The following CNTN4 variants were observed in gnomAD, a reference collection of about 807,000 sequenced individuals.
The protein encoded by CNTN4 is contactin-4.
CNTN4 carries 77 observed loss-of-function variants against 122.5 expected under a neutral mutation model. The observed-to-expected ratio is 0.63, with a 90% CI of 0.52 to 0.76. CNTN4 has a LOEUF of 0.76. Ranked by LOEUF, CNTN4 falls within the 30% of genes least tolerant of loss-of-function variation. The pLI is 0.00. For synonymous variants in CNTN4, 512 were observed against 447.0 expected, an observed-to-expected ratio of 1.15 and a Z score of -1.83; for missense variants, 1,256 against 1,259.1, an observed-to-expected ratio of 1.00 and a Z score of 0.04.
chr3:2,931,737 TC>T (rs1335567966), intron 13 of CNTN4, among the ~76,000 whole-genome samples: 5 of 152,122 alleles, frequency 3.3e-5, no homozygotes, highest in African/African-American at 1.2e-4. Context: ...AAAGCGATCC[TC>T]CCACCTCAGC....
chr3:2,815,891 T>TATATATATATATATATATATATATATAA (rs1559534875), intron 6 of CNTN4, among the ~76,000 whole-genome samples: 1 of 147,912 alleles, frequency 6.8e-6, no homozygotes, highest in African/African-American at 2.6e-5. Context: ...TATATATATA[T>TATATATATATATATATATATATATATAA]GATGGAATAC....
At chr3:2,867,595 G>C (rs2093738240) in intron 8 of CNTN4, among the ~76,000 whole-genome samples, 1 of 152,060 alleles carries the variant, frequency 6.6e-6, no homozygotes, top group African/African-American at 2.4e-5. Flanking sequence ...TATATATGCT[G>C]TTCCCTCTTC....
At chr3:2,450,135 G>A (rs567191767) in intron 3 of CNTN4, among the ~76,000 whole-genome samples, 2 of 152,326 alleles carry the variant, frequency 1.3e-5, no homozygotes, top group Non-Finnish European at 2.9e-5. Flanking sequence ...GGAAGGCCAA[G>A]ATGGGTGGAT....
rs186440352 is a variant in CNTN4 at position 2,274,240 on chromosome 3, A to C, written c.-144-64938A>C. Among the ~76,000 whole-genome samples the C allele has an allele frequency of 6.1e-4, 93 of 152,136 alleles. No homozygotes were observed. In the East Asian group the frequency reaches 0.013, roughly 21 times the overall value. ...TCTACTAAAAATAAAAAAATTAGCC[A>C]GGTGTGGTGGTGGGTGCGTGTAATC... is the stretch of plus-strand genomic sequence containing the variant. On this transcript the variant is annotated intron_variant, in intron 2 of 24. Coordinates refer to ENST00000418658, the MANE Select transcript of CNTN4 (RefSeq NM_175607.3).
At chr3:2,361,398 G>GCACCTATCC (rs1441740149) in intron 3 of CNTN4, among the ~76,000 whole-genome samples, 1 of 152,188 alleles carries the variant, frequency 6.6e-6, no homozygotes, top group African/African-American at 2.4e-5. Flanking sequence ...TTTGTAACCA[G>GCACCTATCC]TGGGTAGCTG....
intron 3 of CNTN4, among the ~76,000 whole-genome samples, chr3:2,389,327 C>T (rs532178161): frequency 1.4e-5 from 2 of 142,838 alleles, no homozygotes; most frequent in African/African-American, 5.3e-5. Flanking sequence ...CTTCACATGG[C>T]TGCAGCCTTC....
chr3:2,364,268 AGTT>A (rs1399989347), intron 3 of CNTN4, among the ~76,000 whole-genome samples: 3 of 152,184 alleles, frequency 2.0e-5, no homozygotes, highest in African/African-American at 7.2e-5. Flanking sequence ...TTTATCTCAG[AGTT>A]GTTGTCTCGA....
chr3:2,284,081 A>G (rs2041820641), intron 2 of CNTN4, among the ~76,000 whole-genome samples: 1 of 152,082 alleles, frequency 6.6e-6, no homozygotes, highest in African/African-American at 2.4e-5. Flanking sequence ...GAAAGGAAAA[A>G]GAGGCAAATA....
chr3:2,548,173 C>T (rs146508479), intron 3 of CNTN4, among the ~76,000 whole-genome samples: 1 of 152,032 alleles, frequency 6.6e-6, no homozygotes, highest in Non-Finnish European at 1.5e-5. Context: ...AAGCTCTTTA[C>T]TGTAATTAGA....
Position 2,263,437 on chromosome 3 carries a change from C to G in CNTN4, c.-144-75741C>G, listed in dbSNP as rs557624323. On this transcript the variant is annotated intron_variant, in intron 2 of 24. Transcript: ENST00000418658. ...CCATTGTTTATTCATTCAGTAATCACTGAGCGTATATACCGATTCATTAAA... is the reference window on the plus strand; with the variant it reads ...CCATTGTTTATTCATTCAGTAATCAGTGAGCGTATATACCGATTCATTAAA... 2.1e-4 allele frequency among the ~76,000 whole-genome samples: 32 copies of G among 152,156 alleles called. No individual in the cohort carries two copies. The South Asian group carries it at 6.4e-3, about 31-fold the overall frequency.
At chr3:2,819,905 A>T (rs778758068) in intron 7 of CNTN4, among the ~76,000 whole-genome samples, 8 of 152,178 alleles carry the variant, frequency 5.3e-5, no homozygotes, top group Non-Finnish European at 1.2e-4. Flanking sequence ...GTTAAAAAAG[A>T]TGGCCCTACT....
rs182886366 is a variant in CNTN4, at chr3:3,006,046, C to T, written c.1486+17574C>T. On this transcript the variant is annotated intron_variant, in intron 14 of 24. Transcript: ENST00000418658. ...GACTACAGGCGCCCACCCCCACGCT[C>T]GGCTAATTTTTTTTTGCATTTTTAG... Among the ~76,000 whole-genome samples the T allele has an allele frequency of 3.3e-3, 502 of 151,980 alleles. 4 individuals carry two copies. Among genetic ancestry groups the T allele is most frequent in the African/African-American group, 0.012 (480 of 41,468 alleles).
At chr3:2,167,513 A>G (rs2036253209) in intron 2 of CNTN4, among the ~76,000 whole-genome samples, 1 of 152,230 alleles carries the variant, frequency 6.6e-6, no homozygotes, top group African/African-American at 2.4e-5. Context: ...GGAAACATAA[A>G]CATTCAAGAA....
At chr3:2,712,377 T>C (rs1045160739) in intron 4 of CNTN4, among the ~76,000 whole-genome samples, 1 of 152,200 alleles carries the variant, frequency 6.6e-6, no homozygotes, top group African/African-American at 2.4e-5. Context: ...CTAGTTGCCA[T>C]AGGGAGATAA....
chr3:2,249,342 G>A (rs2040286016), intron 2 of CNTN4, among the ~76,000 whole-genome samples: 1 of 151,860 alleles, frequency 6.6e-6, no homozygotes, highest in Non-Finnish European at 1.5e-5. Flanking sequence ...TACATACAAG[G>A]TCTACTGCAG....
At chr3:2,558,650 G>C (rs1477092455) in intron 3 of CNTN4, among the ~76,000 whole-genome samples, 1 of 152,044 alleles carries the variant, frequency 6.6e-6, no homozygotes, top group Non-Finnish European at 1.5e-5. Context: ...CATGATATTA[G>C]TGTTTTCCCA....
chr3:2,889,918 G>A (rs1250651311), intron 10 of CNTN4, among the ~76,000 whole-genome samples: 2 of 152,308 alleles, frequency 1.3e-5, no homozygotes, highest in Middle Eastern at 3.4e-3. Flanking sequence ...CCAGCCCTGT[G>A]CAGGGAAATG....
At chr3:2,946,933 C>T (rs973434551) in intron 13 of CNTN4, among the ~76,000 whole-genome samples, 4 of 151,958 alleles carry the variant, frequency 2.6e-5, no homozygotes, top group African/African-American at 9.7e-5. Flanking sequence ...CTCAAACTCC[C>T]GGGCTCAAGC....
chr3:2,699,253 A>G (rs1433290009), intron 4 of CNTN4, among the ~76,000 whole-genome samples: 1 of 152,020 alleles, frequency 6.6e-6, no homozygotes, highest in Non-Finnish European at 1.5e-5. Flanking sequence ...CACCATTGTT[A>G]ATTTGCAGGA....
Sources: gnomAD v4.1 joint callset for allele counts (sites outside exome capture counted in the v4.1 genomes callset) on GRCh38, gnomAD v4.1.1 for gene constraint, MANE v1.5 for transcripts, NCBI Gene and HGNC (gene_info 2026-07-23, HGNC 2026-07-21) for gene names.